The following IMPG1 variants were observed in gnomAD, a reference collection of about 807,000 sequenced individuals.
IMPG1 encodes interphotoreceptor matrix proteoglycan 1, also known as interphotoreceptor matrix proteoglycan of 150 kDa.
In IMPG1, 85 loss-of-function variants were observed where a neutral mutation model predicts 92.0. The ratio of observed to expected loss-of-function variants is 0.92; its 90% CI spans 0.78 to 1.11. IMPG1 has a LOEUF of 1.11. IMPG1 is among the 50% of genes least tolerant of loss of function. The probability of loss-of-function intolerance (pLI) is 0.00; values close to 1 mark genes in which losing one functional copy is unlikely to be tolerated. For missense variants in IMPG1, 1,022 were observed against 956.0 expected (o/e 1.07, Z -0.91); for synonymous variants, 367 against 334.1 (o/e 1.10, Z -1.08).
intron 12 of IMPG1, among the ~76,000 whole-genome samples, chr6:75,974,246 C>A (rs1782469226): frequency 6.7e-6 from 1 of 148,876 alleles, no homozygotes; most frequent in Admixed American, 6.6e-5. Flanking sequence ...TTAATGAGGA[C>A]TTTCTTTCTT....
chr6:75,971,089 C>G (rs907735181), intron 12 of IMPG1, among the ~76,000 whole-genome samples: 1 of 151,940 alleles, frequency 6.6e-6, no homozygotes, highest in African/African-American at 2.4e-5. Context: ...CAATGATAGA[C>G]TGGATTAAGA....
intron 2 of IMPG1, among the ~76,000 whole-genome samples, chr6:76,035,585 C>G (rs1490564086): frequency 6.7e-6 from 1 of 149,806 alleles, no homozygotes; most frequent in African/African-American, 2.5e-5. Context: ...AGTCTCCAAA[C>G]TGGAGTGCAG....
chr6:76,021,024 A>G (rs1388224146), intron 6 of IMPG1, among the ~76,000 whole-genome samples: 2 of 152,200 alleles, frequency 1.3e-5, no homozygotes, highest in Non-Finnish European at 2.9e-5. Context: ...AGGCCCTCCA[A>G]ATCCTGAAGA....
chr6:75,952,251 T>C (rs1782045737), intron 12 of IMPG1, among the ~76,000 whole-genome samples: 1 of 152,208 alleles, frequency 6.6e-6, no homozygotes, highest in African/African-American at 2.4e-5. Flanking sequence ...ATTTCTTCAG[T>C]GGCCTTTTGG....
intron 12 of IMPG1, among the ~76,000 whole-genome samples, chr6:75,984,304 A>T (rs1468207088): frequency 6.6e-6 from 1 of 152,370 alleles, no homozygotes; most frequent in Admixed American, 6.5e-5. Context: ...AAGCCAAGAT[A>T]TGGAATCAAG....
At chr6:75,925,247 CAGTT>C (rs71661080) in intron 15 of IMPG1, among the ~76,000 whole-genome samples, 24,824 of 151,842 alleles carry the variant, frequency 0.16, 2,081 homozygotes, top group East Asian at 0.26. Context: ...AATTGTGTGT[CAGTT>C]AAATTTTTTT....
At position 75,930,982 on chromosome 6, in the gene IMPG1, C is replaced by T; in HGVS notation, c.2214G>A (p.Glu738=). The T allele has an allele frequency of 6.2e-7, 1 of 1,614,216 alleles. No homozygotes were observed. The highest frequency in any genetic ancestry group is 1.7e-5 in the Admixed American group (1 of 60,028). ...GLCGPGTKEC[E]VLQGKGAPCR... ...ATGGAGCTCCCTTTCCCTGGAGGAC[C>T]TCGCATTCCTTTGTGCCAGGGCCAC... The change falls in exon 15 of 17, where the codon GAG becomes GAA. Residue 738 remains glutamate (E), a synonymous_variant. Coordinates refer to ENST00000369950, the MANE Select transcript of IMPG1 (RefSeq NM_001563.4).
chr6:76,003,082 C>G, intron 11 of IMPG1, 86 bp from the exon 12 acceptor site: 1 of 961,706 alleles, frequency 1.0e-6, no homozygotes, highest in Non-Finnish European at 1.7e-6. Context: ...TCAAAATTTT[C>G]ATTTAAATTT....
At chr6:75,928,856 G>A (rs952047151) in intron 15 of IMPG1, among the ~76,000 whole-genome samples, 1 of 152,176 alleles carries the variant, frequency 6.6e-6, no homozygotes, top group African/African-American at 2.4e-5. Flanking sequence ...TTACAGTATT[G>A]TTATTAATTT....
chr6:75,932,964 G>A lies in IMPG1; in HGVS notation c.2045-1813C>T, dbSNP rs531510920. On this transcript the variant is annotated intron_variant, in intron 14 of 16. Transcript: ENST00000369950. ...GATCTGCCTGCCTCGGCCTCCCAAA[G>A]TGCTGGGATTACAGGCGTGAGCCAC... Among the ~76,000 whole-genome samples the A allele has an allele frequency of 2.6e-5, 4 of 152,268 alleles. No individual in the cohort carries two copies. In the South Asian group the frequency reaches 6.2e-4, roughly 24 times the overall value.
intron 1 of IMPG1, among the ~76,000 whole-genome samples, chr6:76,068,299 C>T (rs1784345672): frequency 6.6e-6 from 1 of 152,026 alleles, no homozygotes; most frequent in Admixed American, 6.6e-5. Context: ...CTAAAGACTC[C>T]TCCAAAAGAC....
intron 12 of IMPG1, among the ~76,000 whole-genome samples, chr6:75,994,350 T>C (rs1427610823): frequency 6.6e-6 from 1 of 152,216 alleles, no homozygotes; most frequent in Non-Finnish European, 1.5e-5. Context: ...CCTAGAATCA[T>C]TCCATTTACC....
intron 1 of IMPG1, among the ~76,000 whole-genome samples, chr6:76,054,404 T>C (rs1784087413): frequency 6.6e-6 from 1 of 152,128 alleles, no homozygotes; most frequent in Non-Finnish European, 1.5e-5. Flanking sequence ...TCCCATGGAA[T>C]ATTTGGGACA....
rs879048428 is a variant in IMPG1 at position 76,041,878 on chromosome 6, C to A, written c.301+15G>T. The A allele has an allele frequency of 2.0e-6, 3 of 1,522,544 alleles. No homozygotes were observed. The South Asian group carries it at 3.4e-5, about 17-fold the overall frequency. 94.3% of individuals were successfully genotyped at this position (1,522,544 alleles called of 1,614,324 possible). On this transcript the variant is annotated intron_variant, in intron 2 of 16. Coordinates refer to ENST00000369950, the MANE Select transcript of IMPG1 (RefSeq NM_001563.4). ...GAAATAACACAAGGCTAAACGGTTT[C>A]ATCTCTTTCCTTACCTCTCAATCTA...
At chr6:76,041,804 G>A (rs2127594495) in intron 2 of IMPG1, 89 bp downstream of exon 2, 3 of 807,788 alleles carry the variant, frequency 3.7e-6, no homozygotes, top group East Asian at 2.5e-5. Flanking sequence ...GACAGAACTG[G>A]AAGTTTTAGG....
intron 5 of IMPG1, chr6:76,024,945 G>T (rs1335158952): frequency 1.8e-6 from 1 of 551,174 alleles, no homozygotes; most frequent in South Asian, 1.5e-5. Flanking sequence ...AAAATAGGCA[G>T]TAAATGTTCA....
rs1001086910 is a variant in IMPG1 at position 76,027,834 on chromosome 6, T to C, written c.498-2576A>G. Among the ~76,000 whole-genome samples, 20 of 152,294 alleles carry C rather than the reference T, an allele frequency of 1.3e-4. No individual in the cohort carries two copies. In the East Asian group the frequency reaches 3.9e-3, roughly 29 times the overall value. On this transcript the variant is annotated intron_variant, in intron 4 of 16. Coordinates refer to ENST00000369950, the MANE Select transcript of IMPG1 (RefSeq NM_001563.4). ...GTCATCATTTTGGCACAATAAATAA[T>C]TTATGGCTATCTGGAATTATGTTTC...
chr6:75,936,734 CAG>C (rs1401565228), intron 14 of IMPG1, among the ~76,000 whole-genome samples: 1 of 152,206 alleles, frequency 6.6e-6, no homozygotes, highest in Non-Finnish European at 1.5e-5. Flanking sequence ...ATCTGCCAAA[CAG>C]AGGTGTTCTG....
At chr6:76,006,617 C>CT (rs1562367081) in intron 9 of IMPG1, among the ~76,000 whole-genome samples, 1 of 150,690 alleles carries the variant, frequency 6.6e-6, no homozygotes, top group Non-Finnish European at 1.5e-5. Context: ...TTCTTTTCTA[C>CT]TTTTTTAAAA....
Sources: gnomAD v4.1 joint callset for allele counts (sites outside exome capture counted in the v4.1 genomes callset) on GRCh38, gnomAD v4.1.1 for gene constraint, MANE v1.5 for transcripts, NCBI Gene and HGNC (gene_info 2026-07-23, HGNC 2026-07-21) for gene names.